The following APBA3 variants were observed in gnomAD, a reference collection of about 807,000 sequenced individuals.
The protein encoded by APBA3 is amyloid beta precursor protein binding family A member 3, also known as amyloid-beta A4 precursor protein-binding family A member 3.
Under a neutral mutation model 55.9 loss-of-function variants are expected in APBA3, and 45 were observed. The observed-to-expected ratio is 0.80, with a 90% CI of 0.63 to 1.03. The LOEUF (loss-of-function observed/expected upper bound fraction) is 1.03, where lower values mean the gene tolerates loss of function less well. Ranked by LOEUF, APBA3 falls within the 50% of genes least tolerant of loss-of-function variation. APBA3 has a pLI of 0.00. For missense variants in APBA3, 865 were observed against 820.3 expected, an observed-to-expected ratio of 1.05 and a Z score of -0.67; for synonymous variants, 370 against 353.3, an observed-to-expected ratio of 1.05 and a Z score of -0.53.
Position 3,754,012 on chromosome 19 carries a change from C to G in APBA3, c.849+7G>C. The G allele has an allele frequency of 6.2e-7, 1 of 1,606,816 alleles. No individual in the cohort carries two copies. Among genetic ancestry groups the G allele is most frequent in the Non-Finnish European group, 8.5e-7 (1 of 1,176,846 alleles). On this transcript the variant is annotated splice_region_variant and intron_variant, in intron 5 of 10. Coordinates refer to ENST00000316757, the MANE Select transcript of APBA3 (RefSeq NM_004886.4). ...CCGCATCCCTGGGGCGGGTCCCTGCCCCGTACCTGGGAGTCCGCTGTCAAG... is the reference window on the plus strand; with the variant it reads ...CCGCATCCCTGGGGCGGGTCCCTGCGCCGTACCTGGGAGTCCGCTGTCAAG...
chr19:3,761,080 A>G (rs1431399353), intron 1 of APBA3, among the ~76,000 whole-genome samples: 1 of 152,176 alleles, frequency 6.6e-6, no homozygotes, highest in Non-Finnish European at 1.5e-5. Context: ...ACTGAGCCAC[A>G]GAATGGGGAG....
chr19:3,753,136 G>A, intron 6 of APBA3, 146 bp from the exon 7 acceptor site: 11 of 942,736 alleles, frequency 1.2e-5, no homozygotes, highest in Non-Finnish European at 1.7e-5. Flanking sequence ...GGGCTTTGGG[G>A]GAGGTGGAGA....
At chr19:3,752,228 A>C (rs1331231455) in intron 8 of APBA3, among the ~76,000 whole-genome samples, 1 of 152,056 alleles carries the variant, frequency 6.6e-6, no homozygotes, top group Non-Finnish European at 1.5e-5. Flanking sequence ...AAACCCCCCC[A>C]GAAATTAGCT....
In APBA3 at chr19:3,753,888, G is replaced by C. The variant is rs2037042326; in HGVS notation, c.888C>G (p.Tyr296Ter). The change falls in exon 6 of 11, where the codon TAC becomes TAG. Residue 296 changes from tyrosine (Y) to a stop codon, truncating the protein, a stop_gained. Coordinates refer to ENST00000316757, the MANE Select transcript of APBA3 (RefSeq NM_004886.4). LOFTEE classifies it high-confidence loss of function. The part of the protein sequence containing the change: ...MMDHALHTIS[Y>*]TADIGCVLVL... Reference sequence around the variant, plus strand: ...CCAGCACGCAGCCGATGTCGGCTGTGTAGGAGATGGTATGCAGGGCGTGGT... The same window carrying C: ...CCAGCACGCAGCCGATGTCGGCTGTCTAGGAGATGGTATGCAGGGCGTGGT... 3.8e-6 allele frequency: 6 copies of C among 1,558,762 alleles called. No individual in the cohort carries two copies. In the East Asian group the frequency reaches 1.4e-4, roughly 37 times the overall value.
chr19:3,753,623 G>A (rs1045575742), intron 6 of APBA3, 142 bp downstream of exon 6: 10 of 858,660 alleles, frequency 1.2e-5, no homozygotes, highest in African/African-American at 3.4e-5. Flanking sequence ...TCCAGCCTGG[G>A]TGACAGAAGG....
At chr19:3,754,552 G>A (rs994847647) in intron 3 of APBA3, 15 of 587,756 alleles carry the variant, frequency 2.6e-5, no homozygotes, top group African/African-American at 3.9e-5. Flanking sequence ...TCAAGGACTC[G>A]CAGGTGGGAA....
chr19:3,755,160 T>C (rs950504605), intron 3 of APBA3: 2 of 152,206 alleles, frequency 1.3e-5, no homozygotes, highest in African/African-American at 4.8e-5. Flanking sequence ...AGACAGACCC[T>C]GCTGCCTGTC....
Position 3,750,909 on chromosome 19 carries a change from A to C in APBA3, c.*117T>G. The C allele has an allele frequency of 8.0e-7, 1 of 1,244,054 alleles. No individual in the cohort carries two copies. Among genetic ancestry groups the C allele is most frequent in the Non-Finnish European group, 1.1e-6 (1 of 869,700 alleles). 77.1% of individuals were successfully genotyped at this position (1,244,054 alleles called of 1,614,324 possible). On this transcript the variant is annotated 3_prime_UTR_variant, in exon 11 of 11. Coordinates refer to ENST00000316757, the MANE Select transcript of APBA3 (RefSeq NM_004886.4). ...ATGCATAAGCTTTTACTGTTTTTAT[A>C]TTAGGAAATCATACAGGACCAAGAA...
In APBA3 at chr19:3,752,599, G is replaced by T; in HGVS notation, c.1304C>A (p.Ser435Ter). Reference sequence around the variant, plus strand: ...GCGGTCCCCGATGCTGAGGGCCCCCGAGCGCTCAGCAGGCCCCCCGTGCAG... The same window carrying T: ...GCGGTCCCCGATGCTGAGGGCCCCCTAGCGCTCAGCAGGCCCCCCGTGCAG... ...NLLHGGPAER[S>*]GALSIGDRLT... Residue 435 changes from serine to a stop codon, truncating the protein, a stop_gained, in exon 8 of 11, where the codon TCG becomes TAG. Transcript: ENST00000316757. LOFTEE classifies it high-confidence loss of function. The T allele has an allele frequency of 6.3e-7, 1 of 1,585,870 alleles. No homozygotes were observed. Among genetic ancestry groups the T allele is most frequent in the South Asian group, 1.1e-5 (1 of 88,418 alleles).
At chr19:3,753,466 A>G in intron 6 of APBA3, 1 of 402,620 alleles carries the variant, frequency 2.5e-6, no homozygotes, top group Non-Finnish European at 4.5e-6. Flanking sequence ...TGGGCAACAG[A>G]GCGAGACCGT....
rs2036989405 is a variant in APBA3, at chr19:3,750,996, A to C, written c.*30T>G. Reference sequence around the variant, plus strand: ...TGGGGCTCCGGGGCCATGGAGGCGAAGGCACAGTGGCAGGCAAGGGATGAG... The same window carrying C: ...TGGGGCTCCGGGGCCATGGAGGCGACGGCACAGTGGCAGGCAAGGGATGAG... On this transcript the variant is annotated 3_prime_UTR_variant, in exon 11 of 11. Coordinates refer to ENST00000316757, the MANE Select transcript of APBA3 (RefSeq NM_004886.4). 1 of 1,552,076 alleles carries C rather than the reference A, an allele frequency of 6.4e-7. No individual in the cohort carries two copies. The highest frequency in any genetic ancestry group is 8.7e-7 in the Non-Finnish European group (1 of 1,146,316).
intron 7 of APBA3, 41 bp from the exon 8 acceptor site, chr19:3,752,761 C>T (rs376419367): frequency 2.9e-5 from 47 of 1,608,450 alleles, no homozygotes; most frequent in Non-Finnish European, 3.8e-5. Flanking sequence ...CAGCAGGGCC[C>T]GGTGCAGGTG....
chr19:3,755,280 T>C (rs924069438), intron 3 of APBA3: 1 of 152,136 alleles, frequency 6.6e-6, no homozygotes, highest in Non-Finnish European at 1.5e-5. Flanking sequence ...TTATTATCAC[T>C]CTAGAATCAG....
chr19:3,753,670 T>G, intron 6 of APBA3, 95 bp downstream of exon 6: 2 of 1,206,412 alleles, frequency 1.7e-6, no homozygotes, highest in Non-Finnish European at 1.1e-6. Context: ...AAAATAAGCT[T>G]ATGGGAGGGA....
At chr19:3,754,927 A>G (rs2037059244) in intron 3 of APBA3, 1 of 152,208 alleles carries the variant, frequency 6.6e-6, no homozygotes, top group African/African-American at 2.4e-5. Context: ...TTGGCCTCCT[A>G]AAGTACTGGG....
chr19:3,754,484 G>A, intron 3 of APBA3, 144 bp from the exon 4 acceptor site: 1 of 1,117,054 alleles, frequency 9.0e-7, no homozygotes, highest in South Asian at 1.7e-5. Context: ...ACAGCCCACT[G>A]TTCTAGAACC....
chr19:3,753,792 C>T lies in APBA3; in HGVS notation c.984G>A (p.Met328Ile), dbSNP rs950009669. ...CCTCCGCGTAGAATACGTGGCAGAGCATCTTGTAGAGGCGGCGGCCGTGGT... is the reference window on the plus strand; with the variant it reads ...CCTCCGCGTAGAATACGTGGCAGAGTATCTTGTAGAGGCGGCGGCCGTGGT... ...PQDHGRRLYK[M>I]LCHVFYAEDA... Residue 328 changes from methionine (M) to isoleucine (I), a missense_variant, in exon 6 of 11, where the codon ATG (methionine) becomes ATA (isoleucine). Transcript: ENST00000316757. 2 of 1,566,560 alleles carry T rather than the reference C, an allele frequency of 1.3e-6. No individual in the cohort carries two copies. The highest frequency in any genetic ancestry group is 1.3e-5 in the African/African-American group (1 of 74,176).
Position 3,750,877 on chromosome 19 carries a change from T to C in APBA3, c.*149A>G, listed in dbSNP as rs935708491. 2 of 1,107,862 alleles carry C rather than the reference T, an allele frequency of 1.8e-6. No homozygotes were observed. The highest frequency in any genetic ancestry group is 5.2e-5 in the East Asian group (2 of 38,744). 68.6% of individuals were successfully genotyped at this position (1,107,862 alleles called of 1,614,324 possible). On this transcript the variant is annotated 3_prime_UTR_variant, in exon 11 of 11. Transcript: ENST00000316757. The stretch of plus-strand genomic sequence containing the variant: ...GTCCCGTAGACCCTGATCCGAGACT[T>C]TGCCAAATGCATAAGCTTTTACTGT...
intron 3 of APBA3, chr19:3,755,823 A>G (rs1447453006): frequency 6.6e-6 from 1 of 151,540 alleles, no homozygotes; most frequent in Non-Finnish European, 1.5e-5. Context: ...GAAAAAAAAA[A>G]AAAAGCTTTA....
Sources: allele counts gnomAD v4.1 joint callset (sites outside exome capture counted in the v4.1 genomes callset), GRCh38; gene constraint gnomAD v4.1.1; transcripts MANE v1.5; gene names NCBI Gene and HGNC (gene_info 2026-07-23, HGNC 2026-07-21).